Variants in PLCG2 observed in about 807,000 individuals in gnomAD.
PLCG2 encodes the protein 1-phosphatidylinositol 4,5-bisphosphate phosphodiesterase gamma-2.
In PLCG2, 69 loss-of-function variants were observed where a neutral mutation model predicts 175.6. The observed-to-expected ratio is 0.39, with a 90% CI of 0.32 to 0.48. The LOEUF (loss-of-function observed/expected upper bound fraction) is 0.48, where lower values mean the gene tolerates loss of function less well. Among genes scored for constraint, PLCG2 ranks in the 20% least tolerant of loss-of-function variants. The probability of loss-of-function intolerance (pLI) is 0.91; values close to 1 mark genes in which losing one functional copy is unlikely to be tolerated. For synonymous variants in PLCG2, 827 were observed against 624.0 expected, an observed-to-expected ratio of 1.33 and a Z score of -4.85; for missense variants, 1,798 against 1,650.9, an observed-to-expected ratio of 1.09 and a Z score of -1.54.
chr16:81,945,605 C>T (rs952761474), intron 30 of PLCG2, among the ~76,000 whole-genome samples: 2 of 152,052 alleles, frequency 1.3e-5, no homozygotes, highest in African/African-American at 4.8e-5. Context: ...CTCCAACTTG[C>T]CCCCCTCAGC....
chr16:81,904,606 C>T (rs530888436), intron 14 of PLCG2, among the ~76,000 whole-genome samples: 26 of 152,328 alleles, frequency 1.7e-4, no homozygotes, highest in African/African-American at 4.3e-4. Flanking sequence ...CTCTGGACTG[C>T]GGCCTGCCTT....
At chr16:81,812,622 A>C (rs1016897479) in intron 2 of PLCG2, among the ~76,000 whole-genome samples, 1 of 152,206 alleles carries the variant, frequency 6.6e-6, no homozygotes, top group African/African-American at 2.4e-5. Context: ...TTTTTCTTCC[A>C]TTCTGTATGT....
chr16:81,953,489 AT>A (rs899104920), intron 31 of PLCG2, among the ~76,000 whole-genome samples: 5 of 152,038 alleles, frequency 3.3e-5, no homozygotes, highest in African/African-American at 1.2e-4. Flanking sequence ...TTTTTTGTGT[AT>A]TTTTCCCCCC....
At chr16:81,754,360 C>A (rs868245624) in intron 1 of PLCG2, among the ~76,000 whole-genome samples, 1 of 69,506 alleles carries the variant, frequency 1.4e-5, no homozygotes, top group African/African-American at 6.1e-5. Flanking sequence ...CTCCTCCCCT[C>A]CCCTCCCCAC....
At chr16:81,882,306 C>A (rs1176162229) in intron 8 of PLCG2, among the ~76,000 whole-genome samples, 1 of 152,068 alleles carries the variant, frequency 6.6e-6, no homozygotes, top group Non-Finnish European at 1.5e-5. Context: ...TGTAGTGTTC[C>A]CTAGTGTTCC....
intron 13 of PLCG2, among the ~76,000 whole-genome samples, chr16:81,899,287 T>TACACACACAC (rs1909036929): frequency 7.0e-6 from 1 of 142,302 alleles, no homozygotes; most frequent in African/African-American, 3.0e-5. Flanking sequence ...TATATATATA[T>TACACACACAC]ATACACACAC....
At chr16:81,930,635 C>T (rs975903611) in intron 24 of PLCG2, among the ~76,000 whole-genome samples, 1 of 147,352 alleles carries the variant, frequency 6.8e-6, no homozygotes, top group Non-Finnish European at 1.5e-5. Context: ...GTGGTCTCAG[C>T]TACTAGGGAG....
chr16:81,857,899 T>C (rs1277740950), intron 3 of PLCG2: 1 of 206,140 alleles, frequency 4.9e-6, no homozygotes, highest in Non-Finnish European at 1.0e-5. Flanking sequence ...GGGATCAATA[T>C]AGGAAAAACA....
intron 7 of PLCG2, among the ~76,000 whole-genome samples, chr16:81,872,821 G>A (rs183970415): frequency 2.4e-4 from 37 of 152,356 alleles, no homozygotes; most frequent in African/African-American, 8.9e-4. Context: ...CTGTGCAATG[G>A]GAGGTTGGGA....
chr16:81,830,933 A>G (rs1905235708), intron 2 of PLCG2, among the ~76,000 whole-genome samples: 1 of 152,088 alleles, frequency 6.6e-6, no homozygotes, highest in African/African-American at 2.4e-5. Flanking sequence ...TGAGGGTTTC[A>G]GAGAGCATAC....
intron 5 of PLCG2, among the ~76,000 whole-genome samples, chr16:81,860,862 T>C (rs1326395944): frequency 2.0e-5 from 3 of 151,922 alleles, no homozygotes; most frequent in Non-Finnish European, 4.4e-5. Flanking sequence ...TCCCAGCTAC[T>C]CAGCCTCAGG....
intron 21 of PLCG2, chr16:81,921,501 A>G: frequency 1.8e-6 from 1 of 541,942 alleles, no homozygotes; most frequent in Non-Finnish European, 3.3e-6. Flanking sequence ...TAAAATTCTG[A>G]GGTTTGACGA....
intron 2 of PLCG2, among the ~76,000 whole-genome samples, chr16:81,851,010 C>T (rs1235112196): frequency 1.3e-5 from 2 of 152,056 alleles, no homozygotes; most frequent in Non-Finnish European, 2.9e-5. Flanking sequence ...TGTTATGGGT[C>T]CCCCCAGCCA....
rs545190697 is a variant in PLCG2 at position 81,931,346 on chromosome 16, C to T, written c.2582-151C>T. ...GTAGTCATCTGTGATGTGTACTTAC[C>T]CCGATGGAAAGTAGACGTCCCCATC... On this transcript the variant is annotated intron_variant, in intron 24 of 32. Transcript: ENST00000564138. The T allele has an allele frequency of 5.3e-4, 335 of 634,092 alleles. 2 individuals carry two copies. In the African/African-American group the frequency reaches 5.5e-3, roughly 10 times the overall value. The allele number at this position is 634,092 out of a possible 1,614,324, so 39.3% of individuals were successfully genotyped here.
At chr16:81,760,428 C>T (rs1347438745) in intron 2 of PLCG2, among the ~76,000 whole-genome samples, 2 of 152,166 alleles carry the variant, frequency 1.3e-5, no homozygotes, top group Non-Finnish European at 1.5e-5. Context: ...GGCTTTTGGA[C>T]ACAAGCCTGA....
chr16:81,751,559 G>A (rs1051557478), intron 1 of PLCG2, among the ~76,000 whole-genome samples: 2 of 151,952 alleles, frequency 1.3e-5, no homozygotes, highest in African/African-American at 4.8e-5. Context: ...TGTATGGCGT[G>A]GTAAATGTCA....
At position 81,798,704 on chromosome 16, in the gene PLCG2, T is replaced by C. The variant is rs117585223; in HGVS notation, c.193+12522T>C. 8.8e-3 allele frequency: 1,342 copies of C among 152,156 alleles called. 9 individuals are homozygous for C. The highest frequency in any genetic ancestry group is 0.016 in the Non-Finnish European group (1,063 of 68,046). 9.4% of individuals were successfully genotyped at this position (152,156 alleles called of 1,614,324 possible). On this transcript the variant is annotated intron_variant, in intron 2 of 32. Transcript: ENST00000564138. ...GATTCTGTTTTGAGAAAGAAGGAAA[T>C]GGGAACTTACTAATTTGTAGAATGG...
intron 27 of PLCG2, 108 bp from the exon 28 acceptor site, chr16:81,937,650 C>A: frequency 2.1e-6 from 2 of 937,220 alleles, no homozygotes; most frequent in Non-Finnish European, 3.2e-6. Flanking sequence ...AGCTGCCTCA[C>A]ATTAATTTGG....
At chr16:81,893,248 A>T (rs970237667) in intron 11 of PLCG2, among the ~76,000 whole-genome samples, 1 of 152,188 alleles carries the variant, frequency 6.6e-6, no homozygotes, top group Non-Finnish European at 1.5e-5. Context: ...TTTGGTGGAT[A>T]TGGCTCCTAG....
Sources: gnomAD v4.1 joint callset for allele counts (sites outside exome capture counted in the v4.1 genomes callset) on GRCh38, gnomAD v4.1.1 for gene constraint, MANE v1.5 for transcripts, NCBI Gene and HGNC (gene_info 2026-07-23, HGNC 2026-07-21) for gene names.